Variants in NKAIN2 observed in about 807,000 individuals in gnomAD.
NKAIN2 encodes the protein sodium/potassium-transporting ATPase subunit beta-1-interacting protein 2.
Under a neutral mutation model 32.6 loss-of-function variants are expected in NKAIN2, and 14 were observed. The ratio of observed to expected loss-of-function variants is 0.43; its 90% CI spans 0.28 to 0.67. NKAIN2 has a LOEUF of 0.67. NKAIN2 is among the 30% of genes least tolerant of loss of function. The pLI is 0.17. For missense variants in NKAIN2, 198 were observed against 258.3 expected, an observed-to-expected ratio of 0.77 and a Z score of 1.60; for synonymous variants, 80 against 87.2, an observed-to-expected ratio of 0.92 and a Z score of 0.46.
chr6:124,802,387 A>G (rs570223867), intron 5 of NKAIN2, among the ~76,000 whole-genome samples: 10 of 152,334 alleles, frequency 6.6e-5, no homozygotes, highest in African/African-American at 9.6e-5. Flanking sequence ...CATGTCATAT[A>G]TAATTGAAAG....
intron 3 of NKAIN2, among the ~76,000 whole-genome samples, chr6:124,385,553 A>G (rs1286907107): frequency 1.3e-5 from 2 of 152,066 alleles, no homozygotes; most frequent in African/African-American, 4.8e-5. Context: ...GGAAATTTGA[A>G]TTTTTAATTC....
chr6:123,987,747 T>C (rs1470035820), intron 1 of NKAIN2, among the ~76,000 whole-genome samples: 1 of 152,134 alleles, frequency 6.6e-6, no homozygotes, highest in African/African-American at 2.4e-5. Context: ...TGACAGAGAA[T>C]TTCCCACACT....
intron 1 of NKAIN2, among the ~76,000 whole-genome samples, chr6:124,224,964 T>G (rs1262613557): frequency 1.3e-5 from 2 of 152,082 alleles, no homozygotes; most frequent in East Asian, 3.9e-4. Context: ...TACAGTCAAG[T>G]ACTACAGTGG....
At chr6:123,808,827 A>G (rs933330319) in intron 1 of NKAIN2, among the ~76,000 whole-genome samples, 1 of 152,198 alleles carries the variant, frequency 6.6e-6, no homozygotes, top group African/African-American at 2.4e-5. Flanking sequence ...CTACTTGCCC[A>G]GTCAGGAATT....
At chr6:124,151,705 C>T (rs1787734183) in intron 1 of NKAIN2, among the ~76,000 whole-genome samples, 1 of 151,974 alleles carries the variant, frequency 6.6e-6, no homozygotes, top group South Asian at 2.1e-4. Context: ...TAGTATATCA[C>T]AGTATCACAA....
At chr6:124,391,300 T>C (rs1773130841) in intron 3 of NKAIN2, among the ~76,000 whole-genome samples, 1 of 152,134 alleles carries the variant, frequency 6.6e-6, no homozygotes. Context: ...GATGTTTATA[T>C]GTGTGGGCAA....
At chr6:124,750,548 T>C (rs867179994) in intron 4 of NKAIN2, among the ~76,000 whole-genome samples, 1 of 149,786 alleles carries the variant, frequency 6.7e-6, no homozygotes, top group Non-Finnish European at 1.5e-5. Context: ...TGGATGGATA[T>C]GAGATAAATG....
chr6:124,389,608 A>G (rs1773053259), intron 3 of NKAIN2, among the ~76,000 whole-genome samples: 1 of 152,036 alleles, frequency 6.6e-6, no homozygotes, highest in South Asian at 2.1e-4. Flanking sequence ...CAGTGTTAAG[A>G]AAAGGTAAGA....
chr6:123,805,439 CT>C (rs1184750890), intron 1 of NKAIN2, among the ~76,000 whole-genome samples: 1 of 152,106 alleles, frequency 6.6e-6, no homozygotes, highest in African/African-American at 2.4e-5. Flanking sequence ...TGAAACAGTG[CT>C]TTTTGTTGTG....
chr6:124,236,982 C>A (rs1265060649), intron 1 of NKAIN2, among the ~76,000 whole-genome samples: 1 of 152,086 alleles, frequency 6.6e-6, no homozygotes, highest in Non-Finnish European at 1.5e-5. Flanking sequence ...ACATTGAATT[C>A]TTCAGTTTTG....
At chr6:124,374,920 G>A (rs1421947830) in intron 3 of NKAIN2, among the ~76,000 whole-genome samples, 2 of 152,038 alleles carry the variant, frequency 1.3e-5, no homozygotes, top group Non-Finnish European at 2.9e-5. Flanking sequence ...GCAAGACACT[G>A]GCTGAAATGG....
chr6:124,384,153 A>G (rs780034293), intron 3 of NKAIN2, among the ~76,000 whole-genome samples: 2 of 152,184 alleles, frequency 1.3e-5, no homozygotes, highest in Non-Finnish European at 2.9e-5. Context: ...TCTTGTTTAT[A>G]TAAGTTAATT....
chr6:124,457,021 T>C (rs1329257957), intron 3 of NKAIN2, among the ~76,000 whole-genome samples: 3 of 151,884 alleles, frequency 2.0e-5, no homozygotes, highest in East Asian at 3.9e-4. Flanking sequence ...AAACTCTTCG[T>C]GAATGTACTT....
chr6:124,449,902 G>C (rs1776033100), intron 3 of NKAIN2, among the ~76,000 whole-genome samples: 2 of 152,124 alleles, frequency 1.3e-5, no homozygotes, highest in Non-Finnish European at 1.5e-5. Flanking sequence ...TGACCATACA[G>C]CTGTGACTTT....
intron 4 of NKAIN2, 35 bp downstream of exon 4, chr6:124,658,421 C>G (rs372460252): frequency 4.3e-6 from 7 of 1,613,838 alleles, no homozygotes; most frequent in South Asian, 3.3e-5. Context: ...CTTCTAGTGC[C>G]TCTGGGGTTG....
chr6:123,810,490 A>C (rs979809618), intron 1 of NKAIN2, among the ~76,000 whole-genome samples: 6 of 152,216 alleles, frequency 3.9e-5, no homozygotes, highest in Non-Finnish European at 8.8e-5. Context: ...GGACTAGAGA[A>C]TAAAAGGGCA....
intron 1 of NKAIN2, among the ~76,000 whole-genome samples, chr6:124,136,916 G>C (rs895458307): frequency 6.6e-6 from 1 of 152,042 alleles, no homozygotes; most frequent in East Asian, 1.9e-4. Flanking sequence ...TACTGAATGG[G>C]AAAATTGAAA....
At chr6:124,567,842 T>G (rs1215559399) in intron 3 of NKAIN2, among the ~76,000 whole-genome samples, 1 of 152,138 alleles carries the variant, frequency 6.6e-6, no homozygotes, top group Non-Finnish European at 1.5e-5. Context: ...AAACTTAGCT[T>G]GTGAGCCATA....
intron 3 of NKAIN2, among the ~76,000 whole-genome samples, chr6:124,400,309 C>T (rs1444287077): frequency 6.6e-6 from 1 of 151,346 alleles, no homozygotes; most frequent in African/African-American, 2.4e-5. Flanking sequence ...TTGAAAACCA[C>T]TGAGAGAGAT....
Sources: allele counts gnomAD v4.1 joint callset (sites outside exome capture counted in the v4.1 genomes callset), GRCh38; gene constraint gnomAD v4.1.1; transcripts MANE v1.5; gene names NCBI Gene and HGNC (gene_info 2026-07-23, HGNC 2026-07-21).